Variants in TMX2 observed in about 807,000 individuals in gnomAD.
TMX2 encodes the protein thioredoxin related transmembrane protein 2, also known as thioredoxin-related transmembrane protein 2.
In TMX2, 20 loss-of-function variants were observed where a neutral mutation model predicts 33.4. The observed-to-expected ratio is 0.60, with a 90% CI of 0.42 to 0.87. The LOEUF is 0.87. Among genes scored for constraint, TMX2 ranks in the 40% least tolerant of loss-of-function variants. The pLI is 0.00. For missense variants in TMX2, 340 were observed against 370.7 expected (o/e 0.92, Z 0.68); for synonymous variants, 166 against 140.7 (o/e 1.18, Z -1.27).
chr11:57,736,457 G>A (rs916096675), intron 1 of TMX2, among the ~76,000 whole-genome samples: 2 of 152,112 alleles, frequency 1.3e-5, no homozygotes. Flanking sequence ...GGACAAGAAG[G>A]TTGTTCTAGA....
chr11:57,738,453 G>GT (rs755853278), intron 4 of TMX2, 23 bp downstream of exon 4: 19 of 1,561,394 alleles, frequency 1.2e-5, no homozygotes, highest in Non-Finnish European at 1.7e-5. Context: ...TCCCCTTTCT[G>GT]TTTCTTGGGT....
chr11:57,712,893 T>C, intron 1 of TMX2, 86 bp downstream of exon 1: 1 of 1,403,170 alleles, frequency 7.1e-7, no homozygotes. Context: ...TTTACCTCTC[T>C]GAGGACACCT....
intron 5 of TMX2, 57 bp from the exon 6 acceptor site, chr11:57,738,917 C>G (rs180908824): frequency 3.8e-6 from 6 of 1,575,612 alleles, no homozygotes. Context: ...ATCTATACTT[C>G]CACTTTCCTT....
At chr11:57,735,146 C>A (rs1224460296) in intron 1 of TMX2, among the ~76,000 whole-genome samples, 4 of 151,914 alleles carry the variant, frequency 2.6e-5, no homozygotes, top group East Asian at 3.9e-4. Flanking sequence ...AAGAAAAAAT[C>A]TTTCCTAATT....
At chr11:57,732,330 AC>A (rs1392056000) in intron 1 of TMX2, among the ~76,000 whole-genome samples, 1 of 152,002 alleles carries the variant, frequency 6.6e-6, no homozygotes. Context: ...CTTTACCAGA[AC>A]CCACTCCCTT....
chr11:57,729,875 G>A (rs1049202522), intron 1 of TMX2, among the ~76,000 whole-genome samples: 6 of 152,068 alleles, frequency 3.9e-5, no homozygotes, highest in Admixed American at 2.0e-4. Flanking sequence ...TTGGGAGGCC[G>A]AGACAGGTTG....
intron 1 of TMX2, among the ~76,000 whole-genome samples, chr11:57,732,519 G>T (rs148231185): frequency 7.9e-5 from 12 of 152,204 alleles, no homozygotes; most frequent in African/African-American, 1.2e-4. Flanking sequence ...AAGTATAGGA[G>T]ACCTTTTATA....
intron 1 of TMX2, among the ~76,000 whole-genome samples, chr11:57,719,050 T>C (rs1250652254): frequency 1.4e-5 from 2 of 143,838 alleles, no homozygotes; most frequent in Non-Finnish European, 3.1e-5. Context: ...TTTTTTTTTT[T>C]TTTTTGAGAC....
chr11:57,718,306 A>C (rs1024970483), intron 1 of TMX2: 1 of 1,553,480 alleles, frequency 6.4e-7, no homozygotes, highest in Non-Finnish European at 8.9e-7. Context: ...CCATAGATGG[A>C]CTTGCCACCA....
At chr11:57,736,465 A>G (rs1399412813) in intron 1 of TMX2, among the ~76,000 whole-genome samples, 1 of 152,188 alleles carries the variant, frequency 6.6e-6, no homozygotes, top group Non-Finnish European at 1.5e-5. Flanking sequence ...AGGTTGTTCT[A>G]GAAGGTGAGA....
At chr11:57,727,706 C>T (rs188823796) in intron 1 of TMX2, among the ~76,000 whole-genome samples, 2 of 152,290 alleles carry the variant, frequency 1.3e-5, no homozygotes, top group South Asian at 2.1e-4. Context: ...TGTAGAGAAT[C>T]CCCTCTCCCC....
Position 57,717,761 on chromosome 11 carries a change from C to G in TMX2, c.189+4954C>G, listed in dbSNP as rs577133947. ...AGAGGGGAGAGGGGAGAGGGAGAGG[C>G]AGAGGCAGAGGCAGAGGCCAGAATT... On this transcript the variant is annotated intron_variant, in intron 1 of 7. Coordinates refer to ENST00000278422, the MANE Select transcript of TMX2 (RefSeq NM_015959.4). Among the ~76,000 whole-genome samples, 237 of 93,592 alleles carry G rather than the reference C, an allele frequency of 2.5e-3. 2 individuals carry two copies. Among genetic ancestry groups the G allele is most frequent in the Middle Eastern group, 0.014 (2 of 138 alleles). The allele number at this position is 93,592 out of a possible 152,430, so 61.4% of individuals were successfully genotyped here. A position where few individuals can be genotyped will look rare whatever the true frequency, so the allele number is the denominator to read the frequency against.
chr11:57,724,688 T>A (rs1164157417), intron 1 of TMX2, among the ~76,000 whole-genome samples: 3 of 152,030 alleles, frequency 2.0e-5, no homozygotes, highest in African/African-American at 4.8e-5. Context: ...TGTAAGATGT[T>A]TAAACAAGCT....
chr11:57,722,393 C>T (rs1409071686), intron 1 of TMX2, among the ~76,000 whole-genome samples: 5 of 151,136 alleles, frequency 3.3e-5, no homozygotes, highest in Non-Finnish European at 1.5e-5. Flanking sequence ...GGCCCTCTTT[C>T]TCTTTTGAAA....
intron 7 of TMX2, 30 bp downstream of exon 7, chr11:57,739,290 G>C (rs981446387): frequency 3.1e-6 from 5 of 1,613,458 alleles, no homozygotes; most frequent in Middle Eastern, 3.3e-4. Context: ...GGTGCATGAA[G>C]GGTGCAGAAC....
intron 1 of TMX2, among the ~76,000 whole-genome samples, chr11:57,726,277 G>A (rs1426915127): frequency 6.6e-6 from 1 of 152,038 alleles, no homozygotes; most frequent in Non-Finnish European, 1.5e-5. Flanking sequence ...GCCAGGCGTG[G>A]TGGCATGCGC....
At chr11:57,722,705 C>G (rs1394894903) in intron 1 of TMX2, among the ~76,000 whole-genome samples, 1 of 151,484 alleles carries the variant, frequency 6.6e-6, no homozygotes, top group African/African-American at 2.5e-5. Context: ...GTAAAACTCT[C>G]CAGTGATTTA....
intron 1 of TMX2, among the ~76,000 whole-genome samples, chr11:57,725,405 C>G (rs1947911673): frequency 1.3e-5 from 2 of 152,116 alleles, no homozygotes; most frequent in Admixed American, 1.3e-4. Flanking sequence ...TGGGCCAGGG[C>G]ACATGAGGTT....
chr11:57,731,324 G>A (rs1948388415), intron 1 of TMX2, among the ~76,000 whole-genome samples: 1 of 151,108 alleles, frequency 6.6e-6, no homozygotes, highest in African/African-American at 2.4e-5. Context: ...AGTAGAGACG[G>A]AGTTTTGCCA....
Sources: gnomAD v4.1 joint callset for allele counts (sites outside exome capture counted in the v4.1 genomes callset) on GRCh38, gnomAD v4.1.1 for gene constraint, MANE v1.5 for transcripts, NCBI Gene and HGNC (gene_info 2026-07-23, HGNC 2026-07-21) for gene names.